TENM2: variants seen among roughly 807,000 people sequenced by gnomAD.
TENM2 encodes teneurin transmembrane protein 2.
Under a neutral mutation model 245.2 loss-of-function variants are expected in TENM2, and 52 were observed. The observed-to-expected ratio is 0.21, with a 90% CI of 0.17 to 0.27. The LOEUF (loss-of-function observed/expected upper bound fraction) is 0.27. TENM2 is among the 10% of genes least tolerant of loss of function. The probability of loss-of-function intolerance (pLI) is 1.00; values close to 1 mark genes in which losing one functional copy is unlikely to be tolerated. For synonymous variants in TENM2, 1,363 were observed against 1,438.9 expected (o/e 0.95, Z 1.19); for missense variants, 3,046 against 3,666.8 (o/e 0.83, Z 4.37).
chr5:166,979,194 C>CCAGCAGCAGCAGCAGCAG, the TENM2 span, among the ~76,000 whole-genome samples: 3,391 of 142,088 alleles, frequency 0.024, 65 homozygotes, highest in Middle Eastern at 0.047. Flanking sequence ...AGCACCACCA[C>CCAGCAGCAGCAGCAGCAG]CAGCAGCAGC....
chr5:168,003,252 C>A (rs1317394666), intron 5 of TENM2, among the ~76,000 whole-genome samples: 3 of 151,332 alleles, frequency 2.0e-5, no homozygotes, highest in Non-Finnish European at 4.4e-5. Flanking sequence ...CTGTTTTAAT[C>A]AAATGATGAC....
At chr5:167,105,979 GTAT>G in the TENM2 span, among the ~76,000 whole-genome samples, 1 of 141,630 alleles carries the variant, frequency 7.1e-6, no homozygotes, top group South Asian at 2.3e-4. Context: ...GAAATGTGAA[GTAT>G]TATAATATGA....
At chr5:168,152,175 T>C (rs1367133756) in intron 12 of TENM2, among the ~76,000 whole-genome samples, 1 of 152,200 alleles carries the variant, frequency 6.6e-6, no homozygotes, top group African/African-American at 2.4e-5. Context: ...AGCTAATGCA[T>C]GTAGGGGATC....
the TENM2 span, among the ~76,000 whole-genome samples, chr5:167,126,805 G>T: frequency 1.3e-5 from 2 of 152,148 alleles, no homozygotes; most frequent in African/African-American, 4.8e-5. Flanking sequence ...AGTTAAGAAA[G>T]ACTAGGCAGC....
intron 2 of TENM2, among the ~76,000 whole-genome samples, chr5:167,563,055 C>T (rs146363100): frequency 2.7e-4 from 41 of 152,138 alleles, no homozygotes; most frequent in African/African-American, 9.6e-4. Flanking sequence ...TCCCTGGGCA[C>T]ATGCCTAGGT....
intron 2 of TENM2, among the ~76,000 whole-genome samples, chr5:167,485,962 A>G (rs1161624340): frequency 6.6e-6 from 1 of 152,114 alleles, no homozygotes; most frequent in South Asian, 2.1e-4. Context: ...CACAAATTAT[A>G]CATACACACT....
chr5:168,116,270 C>T (rs1458820197), intron 9 of TENM2, among the ~76,000 whole-genome samples: 1 of 152,108 alleles, frequency 6.6e-6, no homozygotes, highest in Non-Finnish European at 1.5e-5. Context: ...CACTTTTGAA[C>T]TCATTCTTCT....
intron 3 of TENM2, among the ~76,000 whole-genome samples, chr5:167,881,320 G>A (rs1057124694): frequency 6.6e-6 from 1 of 152,056 alleles, no homozygotes. Flanking sequence ...TACATCCTGT[G>A]GTTGTTTATC....
At position 167,425,740 on chromosome 5, in the gene TENM2, A is replaced by ATGC. The variant is rs541557775; in HGVS notation, c.502+50288_502+50290dup. 8.6e-3 allele frequency among the ~76,000 whole-genome samples: 1,302 copies of ATGC among 151,948 alleles called. 9 individuals are homozygous for ATGC. Among genetic ancestry groups the ATGC allele is most frequent in the Admixed American group, 0.025 (383 of 15,238 alleles). ...CAGTTTCTTCAACTATAAAATAACA[A>ATGC]TGCTGCTGCTGCTGCTGCTGCTGAT... On this transcript the variant is annotated intron_variant, in intron 2 of 28. Transcript: ENST00000518659.
chr5:167,388,021 T>C (rs1457019451), intron 2 of TENM2, among the ~76,000 whole-genome samples: 1 of 152,174 alleles, frequency 6.6e-6, no homozygotes, highest in African/African-American at 2.4e-5. Context: ...ATTAAGGTGA[T>C]ACTGGCTTCA....
At position 167,326,701 on chromosome 5, in the gene TENM2, A is replaced by G. The variant is rs187741504; in HGVS notation, c.226+41638A>G. Among the ~76,000 whole-genome samples the G allele has an allele frequency of 9.9e-3, 1,073 of 108,246 alleles. 61 individuals carry two copies. In the East Asian group the frequency reaches 0.2, roughly 20 times the overall value. 71.0% of individuals were successfully genotyped at this position (108,246 alleles called of 152,430 possible). A position where few individuals can be genotyped will look rare whatever the true frequency, so the allele number is the denominator to read the frequency against. ...AATAATAATAATTATAATAATAAAT[A>G]AATATATATATATATATATATAAAA... On this transcript the variant is annotated intron_variant, in intron 1 of 28. Transcript: ENST00000518659.
At chr5:167,972,259 A>G (rs1368292917) in intron 4 of TENM2, among the ~76,000 whole-genome samples, 2 of 152,206 alleles carry the variant, frequency 1.3e-5, no homozygotes, top group Non-Finnish European at 2.9e-5. Flanking sequence ...TAGGCTTTCA[A>G]AAATGCTTGT....
the TENM2 span, among the ~76,000 whole-genome samples, chr5:167,268,444 A>G: frequency 6.6e-6 from 1 of 152,170 alleles, no homozygotes; most frequent in African/African-American, 2.4e-5. Flanking sequence ...GTTACATTGT[A>G]CTAGTTACTG....
At chr5:167,787,476 A>G (rs529099653) in intron 2 of TENM2, among the ~76,000 whole-genome samples, 27 of 152,176 alleles carry the variant, frequency 1.8e-4, no homozygotes, top group Non-Finnish European at 3.8e-4. Context: ...CTTTGACTCC[A>G]TGTAGAAACA....
the TENM2 span, among the ~76,000 whole-genome samples, chr5:167,000,831 C>G: frequency 6.6e-6 from 1 of 152,152 alleles, no homozygotes; most frequent in Non-Finnish European, 1.5e-5. Flanking sequence ...TCCAAAATTT[C>G]AACAGGTAGT....
At chr5:167,660,214 G>A (rs904849307) in intron 2 of TENM2, 2 of 152,332 alleles carry the variant, frequency 1.3e-5, no homozygotes, top group African/African-American at 4.8e-5. Flanking sequence ...TGTAATCTCA[G>A]CACTTTGGGA....
At chr5:167,594,941 C>T (rs1216126124) in intron 2 of TENM2, among the ~76,000 whole-genome samples, 1 of 152,116 alleles carries the variant, frequency 6.6e-6, no homozygotes, top group South Asian at 2.1e-4. Flanking sequence ...TTATGTTTGT[C>T]CTGACCCCAG....
intron 27 of TENM2, 126 bp from the exon 30 acceptor site, chr5:168,260,157 C>T: frequency 1.1e-6 from 1 of 931,192 alleles, no homozygotes; most frequent in Admixed American, 2.2e-5. Flanking sequence ...CAGTCATAAG[C>T]TCTTCCTCCC....
chr5:167,785,377 C>G (rs1214229978), intron 2 of TENM2, among the ~76,000 whole-genome samples: 1 of 151,758 alleles, frequency 6.6e-6, no homozygotes, highest in East Asian at 1.9e-4. Context: ...TTTTTTCCTC[C>G]TTGCTCATGT....
Sources: allele counts gnomAD v4.1 joint callset (sites outside exome capture counted in the v4.1 genomes callset), GRCh38; gene constraint gnomAD v4.1.1; transcripts MANE v1.5; gene names NCBI Gene and HGNC (gene_info 2026-07-23, HGNC 2026-07-21).